NAV2: variants seen among roughly 807,000 people sequenced by gnomAD.
NAV2 encodes the protein helicase, APC down-regulated 1.
In NAV2, 54 loss-of-function variants were observed where a neutral mutation model predicts 223.2. That is an observed-to-expected ratio of 0.24 (90% CI 0.19 to 0.30). The LOEUF is 0.30. NAV2 is among the 10% of genes least tolerant of loss of function. The pLI is 1.00. For missense variants in NAV2, 2,806 were observed against 3,147.5 expected (o/e 0.89, Z 2.60); for synonymous variants, 1,279 against 1,239.3 (o/e 1.03, Z -0.67).
intron 1 of NAV2, among the ~76,000 whole-genome samples, chr11:19,630,896 G>A (rs1392686062): frequency 6.9e-5 from 6 of 87,364 alleles, no homozygotes; most frequent in East Asian, 3.6e-4. Flanking sequence ...ACACATACAC[G>A]CACCCCAAAA....
chr11:19,532,973 T>C (rs1380853227), intron 1 of NAV2, among the ~76,000 whole-genome samples: 1 of 152,182 alleles, frequency 6.6e-6, no homozygotes. Flanking sequence ...TTGACCATAT[T>C]ATTTGCTAGT....
chr11:19,419,286 G>A (rs1261182162), intron 1 of NAV2, among the ~76,000 whole-genome samples: 1 of 152,226 alleles, frequency 6.6e-6, no homozygotes, highest in African/African-American at 2.4e-5. Flanking sequence ...CTTTAGAGGA[G>A]AGGCACTGCA....
chr11:19,771,697 G>A (rs1050614040), intron 1 of NAV2, among the ~76,000 whole-genome samples: 3 of 152,030 alleles, frequency 2.0e-5, no homozygotes, highest in African/African-American at 4.8e-5. Context: ...TTTAGTATGC[G>A]CAATGGGGAG....
At chr11:19,989,935 G>A (rs1039182411) in intron 11 of NAV2, among the ~76,000 whole-genome samples, 1 of 152,106 alleles carries the variant, frequency 6.6e-6, no homozygotes, top group African/African-American at 2.4e-5. Context: ...TCTTACCATG[G>A]TATCGTCTCT....
chr11:19,836,437 G>A (rs371629288), intron 2 of NAV2, among the ~76,000 whole-genome samples: 27 of 151,984 alleles, frequency 1.8e-4, no homozygotes, highest in African/African-American at 6.5e-4. Flanking sequence ...GGCGCCTGTA[G>A]TCCCAGCTGC....
At chr11:19,408,823 G>GGAC (rs57544707) in intron 1 of NAV2, among the ~76,000 whole-genome samples, 2 of 71,714 alleles carry the variant, frequency 2.8e-5, no homozygotes, top group Middle Eastern at 6.7e-3. Flanking sequence ...TTCTGGCGGG[G>GGAC]TGGGGGGATG....
At chr11:19,426,721 G>T (rs1463469273) in intron 1 of NAV2, among the ~76,000 whole-genome samples, 2 of 151,946 alleles carry the variant, frequency 1.3e-5, no homozygotes, top group African/African-American at 4.8e-5. Context: ...TGGGGGGCGG[G>T]GTTGTCATCA....
chr11:19,981,615 T>G (rs2050296218), intron 10 of NAV2, among the ~76,000 whole-genome samples: 1 of 152,264 alleles, frequency 6.6e-6, no homozygotes. Flanking sequence ...CAAAATTAAC[T>G]GCCTTGCTTA....
At chr11:19,518,949 G>T (rs570004150) in intron 1 of NAV2, among the ~76,000 whole-genome samples, 1 of 152,088 alleles carries the variant, frequency 6.6e-6, no homozygotes, top group African/African-American at 2.4e-5. Flanking sequence ...CACCTTTTCT[G>T]CTGTGTAAGG....
intron 1 of NAV2, among the ~76,000 whole-genome samples, chr11:19,790,783 C>T (rs545234558): frequency 2.6e-5 from 4 of 152,268 alleles, no homozygotes; most frequent in South Asian, 2.1e-4. Flanking sequence ...AACACCAAGT[C>T]GCTAACAGTT....
chr11:19,900,473 A>T (rs1468722850), intron 6 of NAV2, among the ~76,000 whole-genome samples: 1 of 152,154 alleles, frequency 6.6e-6, no homozygotes, highest in African/African-American at 2.4e-5. Flanking sequence ...ATGACCCTCA[A>T]AAGACCATCA....
At chr11:19,414,525 A>G (rs1850282763) in intron 1 of NAV2, among the ~76,000 whole-genome samples, 1 of 152,208 alleles carries the variant, frequency 6.6e-6, no homozygotes, top group Non-Finnish European at 1.5e-5. Context: ...TGTCAATATT[A>G]GACAGATCAA....
chr11:19,955,936 A>T (rs538348341), intron 10 of NAV2, among the ~76,000 whole-genome samples: 1 of 152,164 alleles, frequency 6.6e-6, no homozygotes. Context: ...GCACTGATTT[A>T]TGGCAGGTTC....
At chr11:20,086,762 G>A (rs955198996) in intron 26 of NAV2, among the ~76,000 whole-genome samples, 1 of 152,182 alleles carries the variant, frequency 6.6e-6, no homozygotes, top group Non-Finnish European at 1.5e-5. Flanking sequence ...GTGAGTGCAA[G>A]GGAAAGAGGA....
At chr11:19,374,094 G>C (rs772051500) in intron 1 of NAV2, among the ~76,000 whole-genome samples, 2 of 152,158 alleles carry the variant, frequency 1.3e-5, no homozygotes, top group Non-Finnish European at 2.9e-5. Context: ...TTATAATAAT[G>C]TTATCATGAC....
chr11:20,016,888 G>A (rs1184382475), intron 11 of NAV2, among the ~76,000 whole-genome samples: 5 of 151,364 alleles, frequency 3.3e-5, no homozygotes, highest in Non-Finnish European at 5.9e-5. Flanking sequence ...CACCTGTAGT[G>A]CTAGCTACTC....
chr11:19,359,398 G>T (rs766456930), intron 1 of NAV2, among the ~76,000 whole-genome samples: 8 of 152,296 alleles, frequency 5.3e-5, no homozygotes, highest in Middle Eastern at 3.4e-3. Context: ...GACCTGGAAG[G>T]TCATTTCATT....
At chr11:19,976,894 C>T (rs1209002785) in intron 10 of NAV2, among the ~76,000 whole-genome samples, 2 of 152,182 alleles carry the variant, frequency 1.3e-5, no homozygotes, top group Admixed American at 6.5e-5. Context: ...GTTGTGGCCA[C>T]AGGAGACTGT....
At chr11:19,835,613 C>T (rs115824534) in intron 2 of NAV2, among the ~76,000 whole-genome samples, 1,735 of 151,966 alleles carry the variant, frequency 0.011, 30 homozygotes, top group African/African-American at 0.039. Context: ...CCATGCTTTC[C>T]GCCATACATG....
Sources: allele counts gnomAD v4.1 joint callset (sites outside exome capture counted in the v4.1 genomes callset), GRCh38; gene constraint gnomAD v4.1.1; transcripts MANE v1.5; gene names NCBI Gene and HGNC (gene_info 2026-07-23, HGNC 2026-07-21).